GRSF1: variants seen among roughly 807,000 people sequenced by gnomAD.
GRSF1 encodes G-rich sequence factor 1.
Under a neutral mutation model 51.1 loss-of-function variants are expected in GRSF1, and 50 were observed. The observed-to-expected ratio is 0.98, with a 90% CI of 0.78 to 1.24. GRSF1 has a LOEUF of 1.24. GRSF1 is among the 50% of genes most tolerant of loss of function. GRSF1 has a pLI of 0.00. For synonymous variants in GRSF1, 293 were observed against 253.3 expected, an observed-to-expected ratio of 1.16 and a Z score of -1.49; for missense variants, 700 against 639.7, an observed-to-expected ratio of 1.09 and a Z score of -1.02.
At chr4:70,837,522 G>GC (rs1734263587) in intron 1 of GRSF1, among the ~76,000 whole-genome samples, 2 of 118,018 alleles carry the variant, frequency 1.7e-5, no homozygotes, top group African/African-American at 6.7e-5. Context: ...TGAGATCTCG[G>GC]CATTTCACTC....
intron 1 of GRSF1, chr4:70,839,178 A>G (rs1191477280): frequency 1.5e-6 from 2 of 1,370,312 alleles, no homozygotes; most frequent in Non-Finnish European, 1.9e-6. Context: ...GAAACCTACC[A>G]TGGGCCAGGC....
chr4:70,817,629 T>C lies in GRSF1; in HGVS notation c.*3258A>G, dbSNP rs1046418134. On this transcript the variant is annotated 3_prime_UTR_variant, in exon 10 of 10. Coordinates refer to ENST00000254799, the MANE Select transcript of GRSF1 (RefSeq NM_002092.4). ...CAAGAGTGACATCACCAAATACTAATGAGGGTGAGGAGCTACAGGAACTCT... is the reference window on the plus strand; with the variant it reads ...CAAGAGTGACATCACCAAATACTAACGAGGGTGAGGAGCTACAGGAACTCT... 6.6e-6 allele frequency: 1 copy of C among 152,156 alleles called. No individual in the cohort carries two copies. The highest frequency in any genetic ancestry group is 1.5e-5 in the Non-Finnish European group (1 of 68,022). 9.4% of individuals were successfully genotyped at this position (152,156 alleles called of 1,614,324 possible). A position where few individuals can be genotyped will look rare whatever the true frequency, so the allele number is the denominator to read the frequency against.
chr4:70,834,033 TG>T (rs534364814), intron 2 of GRSF1, among the ~76,000 whole-genome samples: 158 of 152,152 alleles, frequency 1.0e-3, no homozygotes, highest in African/African-American at 3.6e-3. Context: ...GCCAAGGTGG[TG>T]GATCACCTGA....
At chr4:70,829,483 C>T (rs1237520479) in intron 5 of GRSF1, among the ~76,000 whole-genome samples, 5 of 151,828 alleles carry the variant, frequency 3.3e-5, no homozygotes, top group Non-Finnish European at 7.4e-5. Flanking sequence ...TGCAAAACCC[C>T]GTCTCTACAA....
At position 70,833,212 on chromosome 4, in the gene GRSF1, T is replaced by C. The variant is rs1734058103; in HGVS notation, c.576A>G (p.Arg192=). Residue 192 remains arginine (R), a synonymous_variant, in exon 3 of 10, where the codon CGA becomes CGG. Transcript: ENST00000254799. The part of the protein sequence containing the change: ...IHFLLNRDGK[R]RGDALIEMES... ...CCATTTCAATTAAGGCATCACCCCT[T>C]CGTTTCCCATCTCTGTTTAGGAGAA... 8.7e-6 allele frequency: 14 copies of C among 1,613,928 alleles called. No individual in the cohort carries two copies. The highest frequency in any genetic ancestry group is 1.2e-5 in the Non-Finnish European group (14 of 1,179,810).
At chr4:70,822,016 A>G (rs1714006498) in intron 9 of GRSF1, among the ~76,000 whole-genome samples, 1 of 152,108 alleles carries the variant, frequency 6.6e-6, no homozygotes, top group Admixed American at 6.6e-5. Context: ...AGTGTCTCAA[A>G]AGAATGAGCC....
At chr4:70,829,409 A>G (rs1308237544) in intron 5 of GRSF1, among the ~76,000 whole-genome samples, 1 of 151,430 alleles carries the variant, frequency 6.6e-6, no homozygotes, top group African/African-American at 2.4e-5. Flanking sequence ...TAATCCCAGT[A>G]CTTTGGGAGG....
Position 70,819,391 on chromosome 4 carries a change from G to C in GRSF1, c.*1496C>G, listed in dbSNP as rs1489696131. The C allele has an allele frequency of 6.6e-6, 1 of 152,036 alleles. No individual in the cohort carries two copies. Among genetic ancestry groups the C allele is most frequent in the African/African-American group, 2.4e-5 (1 of 41,396 alleles). 9.4% of individuals were successfully genotyped at this position (152,036 alleles called of 1,614,324 possible). A position where few individuals can be genotyped will look rare whatever the true frequency, so the allele number is the denominator to read the frequency against. ...GCAGTACTACTGATGATGTTAAGCT[G>C]GTTAAGTCATGTTCACAGGATTTTA... On this transcript the variant is annotated 3_prime_UTR_variant, in exon 10 of 10. Coordinates refer to ENST00000254799, the MANE Select transcript of GRSF1 (RefSeq NM_002092.4).
upstream of GRSF1, among the ~76,000 whole-genome samples, chr4:70,841,279 G>A (rs1367270372): frequency 6.6e-6 from 1 of 152,154 alleles, no homozygotes; most frequent in Non-Finnish European, 1.5e-5. Context: ...GTGAAACCCT[G>A]TCTCTAAAAA....
At chr4:70,834,757 G>A (rs1426383174) in intron 2 of GRSF1, among the ~76,000 whole-genome samples, 1 of 152,120 alleles carries the variant, frequency 6.6e-6, no homozygotes, top group Non-Finnish European at 1.5e-5. Flanking sequence ...AGGTAGCTGG[G>A]ACTACGGGAG....
intron 9 of GRSF1, among the ~76,000 whole-genome samples, chr4:70,821,610 A>AC (rs1313961284): frequency 6.7e-6 from 1 of 149,540 alleles, no homozygotes; most frequent in African/African-American, 2.4e-5. Flanking sequence ...CGTCTCCCAA[A>AC]AAAAAAAAAA....
At chr4:70,833,614 TG>T (rs1363658331) in intron 2 of GRSF1, among the ~76,000 whole-genome samples, 2 of 152,226 alleles carry the variant, frequency 1.3e-5, no homozygotes, top group Non-Finnish European at 2.9e-5. Context: ...TATACATAAG[TG>T]TCTTCCTTTA....
At chr4:70,840,203 T>C (rs1035017820), upstream of GRSF1, among the ~76,000 whole-genome samples, 2 of 147,048 alleles carry the variant, frequency 1.4e-5, no homozygotes, top group South Asian at 2.2e-4. Flanking sequence ...GCCCATGGTT[T>C]GGGCGGGGCT....
chr4:70,826,303 G>A, intron 6 of GRSF1, 58 bp from the exon 7 acceptor site: 2 of 1,428,216 alleles, frequency 1.4e-6, no homozygotes, highest in Non-Finnish European at 1.9e-6. Flanking sequence ...GTTATTAACA[G>A]ATTCTAATTA....
chr4:70,830,476 A>G (rs908482370), intron 5 of GRSF1, among the ~76,000 whole-genome samples: 1 of 150,966 alleles, frequency 6.6e-6, no homozygotes, highest in African/African-American at 2.4e-5. Flanking sequence ...ACACACACAC[A>G]GAGAATTATG....
Position 70,839,504 on chromosome 4 carries a change from C to A in GRSF1, c.324G>T (p.Ala108=), listed in dbSNP as rs757298740. The part of the protein sequence containing the change: ...RASLLPQSLA[A]AAAVPTRSYS... ...AGCTGCGCGTCGGGACGGCGGCCGCCGCCGCCAGCGACTGCGGCAGCAGAG... is the reference window on the plus strand; with the variant it reads ...AGCTGCGCGTCGGGACGGCGGCCGCAGCCGCCAGCGACTGCGGCAGCAGAG... Residue 108 remains alanine, a synonymous_variant, in exon 1 of 10, where the codon GCG becomes GCT. Transcript: ENST00000254799. 2.8e-6 allele frequency: 4 copies of A among 1,423,796 alleles called. No individual in the cohort carries two copies. The highest frequency in any genetic ancestry group is 3.6e-6 in the Non-Finnish European group (4 of 1,097,296). The allele number at this position is 1,423,796 out of a possible 1,614,324, so 88.2% of individuals were successfully genotyped here. A position where few individuals can be genotyped will look rare whatever the true frequency, so the allele number is the denominator to read the frequency against.
chr4:70,826,942 T>C (rs889096957), intron 6 of GRSF1, among the ~76,000 whole-genome samples: 1 of 152,208 alleles, frequency 6.6e-6, no homozygotes, highest in Non-Finnish European at 1.5e-5. Context: ...AGATTCCAAA[T>C]GTTGCCCTGG....
intron 2 of GRSF1, 29 bp downstream of exon 2, chr4:70,836,125 AAAAT>A (rs752897267): frequency 3.9e-6 from 5 of 1,291,396 alleles, no homozygotes; most frequent in South Asian, 3.4e-5. Flanking sequence ...ATAAGGAAAA[AAAAT>A]AAATAAATAA....
Position 70,819,421 on chromosome 4 carries a change from AC to A in GRSF1, c.*1465del, listed in dbSNP as rs1162967364. 6.6e-6 allele frequency: 1 copy of A among 152,178 alleles called. No individual in the cohort carries two copies. Among genetic ancestry groups the A allele is most frequent in the African/African-American group, 2.4e-5 (1 of 41,462 alleles). 9.4% of individuals were successfully genotyped at this position (152,178 alleles called of 1,614,324 possible). A position where few individuals can be genotyped will look rare whatever the true frequency, so the allele number is the denominator to read the frequency against. On this transcript the variant is annotated 3_prime_UTR_variant, in exon 10 of 10. Transcript: ENST00000254799. ...AGTCATGTTCACAGGATTTTAGAGA[AC>A]ACACACACGAAAATTAACCCTTACT... is the stretch of plus-strand genomic sequence containing the variant.
Sources: allele counts gnomAD v4.1 joint callset (sites outside exome capture counted in the v4.1 genomes callset), GRCh38; gene constraint gnomAD v4.1.1; transcripts MANE v1.5; gene names NCBI Gene and HGNC (gene_info 2026-07-23, HGNC 2026-07-21).